The following RSRC1 variants were observed in gnomAD, a reference collection of about 807,000 sequenced individuals.
RSRC1 encodes the protein arginine and serine rich coiled-coil 1.
RSRC1 carries 39 observed loss-of-function variants against 49.1 expected under a neutral mutation model. The observed-to-expected ratio is 0.79, with a 90% confidence interval of 0.61 to 1.04. RSRC1 has a LOEUF of 1.04. Ranked by LOEUF, RSRC1 falls within the 50% of genes least tolerant of loss-of-function variation. The pLI, the probability that RSRC1 is intolerant of heterozygous loss-of-function variation, is 0.00. For missense variants in RSRC1, 388 were observed against 402.4 expected, an observed-to-expected ratio of 0.96 and a Z score of 0.31; for synonymous variants, 143 against 130.8, an observed-to-expected ratio of 1.09 and a Z score of -0.63.
At chr3:158,319,700 C>G (rs1444526813) in intron 5 of RSRC1, among the ~76,000 whole-genome samples, 1 of 152,148 alleles carries the variant, frequency 6.6e-6, no homozygotes, top group Non-Finnish European at 1.5e-5. Context: ...TTATTATCAA[C>G]AGTTCTAAAT....
At position 158,438,139 on chromosome 3, in the gene RSRC1, C is replaced by T. The variant is rs554756269; in HGVS notation, c.584-22796C>T. 5.6e-4 allele frequency among the ~76,000 whole-genome samples: 85 copies of T among 152,230 alleles called. 4 individuals carry two copies. In the South Asian group the frequency reaches 0.017, roughly 30 times the overall value. ...ATGTGAAGGACCTCTTCAAGGAGAA[C>T]TACAAACCACTGCTCAAGGAAATAA... On this transcript the variant is annotated intron_variant, in intron 6 of 9. Transcript: ENST00000611884.
chr3:158,513,320 C>G (rs1410175126), intron 7 of RSRC1, among the ~76,000 whole-genome samples: 2 of 151,906 alleles, frequency 1.3e-5, no homozygotes, highest in Admixed American at 6.6e-5. Context: ...GAGTTTTTAG[C>G]ATGAAGGGTT....
At chr3:158,257,687 G>GT (rs1235331535) in intron 4 of RSRC1, among the ~76,000 whole-genome samples, 1 of 151,964 alleles carries the variant, frequency 6.6e-6, no homozygotes, top group African/African-American at 2.4e-5. Context: ...TGTTATTTGT[G>GT]TTCTAGGTGT....
chr3:158,320,114 C>T (rs958294752), intron 5 of RSRC1, among the ~76,000 whole-genome samples: 2 of 152,182 alleles, frequency 1.3e-5, no homozygotes, highest in Non-Finnish European at 2.9e-5. Context: ...TTGAAGTTTA[C>T]ATAATGTCCC....
intron 6 of RSRC1, among the ~76,000 whole-genome samples, chr3:158,440,476 T>C (rs550355325): frequency 6.6e-6 from 1 of 152,236 alleles, no homozygotes; most frequent in South Asian, 2.1e-4. Context: ...AGTTCAGGCA[T>C]ACCTTTCCCA....
At chr3:158,229,437 CAT>C (rs1219062294) in intron 4 of RSRC1, among the ~76,000 whole-genome samples, 6 of 148,392 alleles carry the variant, frequency 4.0e-5, no homozygotes, top group Admixed American at 2.7e-4. Context: ...TGTATATACA[CAT>C]ATACACACGT....
At chr3:158,225,666 A>G (rs1040055496) in intron 4 of RSRC1, 1 of 451,992 alleles carries the variant, frequency 2.2e-6, no homozygotes, top group Non-Finnish European at 4.4e-6. Flanking sequence ...GATTTCACCA[A>G]AAGAATTGTG....
chr3:158,512,025 T>C (rs1479444719), intron 7 of RSRC1, among the ~76,000 whole-genome samples: 4 of 147,056 alleles, frequency 2.7e-5, no homozygotes, highest in East Asian at 2.0e-4. Flanking sequence ...ATTAGCCCTT[T>C]GTCAGATGAG....
intron 4 of RSRC1, among the ~76,000 whole-genome samples, chr3:158,290,335 C>T (rs827137): frequency 0.47 from 71,967 of 151,884 alleles, 17,573 homozygotes; most frequent in East Asian, 0.64. Flanking sequence ...TGCAGTGGCG[C>T]GATTTCGGCT....
intron 7 of RSRC1, among the ~76,000 whole-genome samples, chr3:158,484,838 C>T (rs1738756211): frequency 6.6e-6 from 1 of 152,046 alleles, no homozygotes; most frequent in African/African-American, 2.4e-5. Flanking sequence ...TGAATACTTA[C>T]TGTAATTCTT....
At chr3:158,518,120 GTGTGTGTATA>G (rs1218029718) in intron 7 of RSRC1, among the ~76,000 whole-genome samples, 44 of 66,374 alleles carry the variant, frequency 6.6e-4, no homozygotes, top group African/African-American at 1.8e-3. Context: ...GTGTGTGTGT[GTGTGTGTATA>G]TATATATATA....
intron 7 of RSRC1, among the ~76,000 whole-genome samples, chr3:158,522,963 C>T (rs544326646): frequency 6.6e-6 from 1 of 152,172 alleles, no homozygotes; most frequent in East Asian, 1.9e-4. Flanking sequence ...GTCATTTAGA[C>T]CATTATGTCC....
intron 4 of RSRC1, among the ~76,000 whole-genome samples, chr3:158,230,788 A>G (rs937842705): frequency 1.3e-5 from 2 of 152,142 alleles, no homozygotes; most frequent in African/African-American, 4.8e-5. Context: ...GCTCTTCCAT[A>G]TCAAATCTGG....
rs115015333 is a variant in RSRC1, at chr3:158,395,147, G to C, written c.583+40239G>C. ...AGATATAGGCAGAAAATTGAAACTA[G>C]ACCCCTTCCTTAGAACATATACAAA... On this transcript the variant is annotated intron_variant, in intron 6 of 9. Coordinates refer to ENST00000611884, the MANE Select transcript of RSRC1 (RefSeq NM_001271838.2). 4.5e-3 allele frequency among the ~76,000 whole-genome samples: 681 copies of C among 152,166 alleles called. 6 individuals carry two copies. Among genetic ancestry groups the C allele is most frequent in the African/African-American group, 0.016 (645 of 41,526 alleles).
chr3:158,451,982 G>C (rs1042992769), intron 6 of RSRC1, among the ~76,000 whole-genome samples: 1 of 151,958 alleles, frequency 6.6e-6, no homozygotes, highest in African/African-American at 2.4e-5. Context: ...AGACAAATAG[G>C]CATATCTTGA....
intron 6 of RSRC1, among the ~76,000 whole-genome samples, chr3:158,415,584 C>T (rs1734699326): frequency 6.6e-6 from 1 of 151,566 alleles, no homozygotes; most frequent in Non-Finnish European, 1.5e-5. Context: ...TGGTAAGCAC[C>T]TAGAATAATA....
At chr3:158,276,111 C>T in intron 4 of RSRC1, 4 of 915,676 alleles carry the variant, frequency 4.4e-6, no homozygotes, top group Non-Finnish European at 5.4e-6. Flanking sequence ...GTCCAGCTCA[C>T]TCCTCTGCAA....
intron 4 of RSRC1, among the ~76,000 whole-genome samples, chr3:158,264,915 G>A (rs538713705): frequency 5.9e-5 from 9 of 152,328 alleles, no homozygotes; most frequent in Non-Finnish European, 1.2e-4. Context: ...CCAATTCTTT[G>A]AAATTGTGTT....
chr3:158,294,911 C>T (rs1727152416), intron 4 of RSRC1, among the ~76,000 whole-genome samples: 1 of 152,046 alleles, frequency 6.6e-6, no homozygotes, highest in Non-Finnish European at 1.5e-5. Context: ...TGACTCTGTA[C>T]CCAAGCTTGT....
Sources: allele counts gnomAD v4.1 joint callset (sites outside exome capture counted in the v4.1 genomes callset), GRCh38; gene constraint gnomAD v4.1.1; transcripts MANE v1.5; gene names NCBI Gene and HGNC (gene_info 2026-07-23, HGNC 2026-07-21).